The following VWA3B variants were observed in gnomAD, a reference collection of about 807,000 sequenced individuals.
VWA3B encodes the protein von Willebrand factor A domain-containing protein 3B.
Under a neutral mutation model 158.3 loss-of-function variants are expected in VWA3B, and 138 were observed. The observed-to-expected ratio is 0.87, with a 90% CI of 0.76 to 1.00. The LOEUF is 1.00. Ranked by LOEUF, VWA3B falls within the 50% of genes least tolerant of loss-of-function variation. VWA3B has a pLI of 0.00. For missense variants in VWA3B, 1,555 were observed against 1,565.1 expected (o/e 0.99, Z 0.11); for synonymous variants, 596 against 587.3 (o/e 1.01, Z -0.21).
chr2:98,160,764 T>C (rs1678508210), intron 7 of VWA3B, among the ~76,000 whole-genome samples: 1 of 152,218 alleles, frequency 6.6e-6, no homozygotes, highest in South Asian at 2.1e-4. Flanking sequence ...TGTGTTATTT[T>C]TGGATTTTCA....
At chr2:98,154,728 A>G (rs1023375413) in intron 7 of VWA3B, among the ~76,000 whole-genome samples, 2 of 152,244 alleles carry the variant, frequency 1.3e-5, no homozygotes, top group Non-Finnish European at 2.9e-5. Flanking sequence ...CACGGGGCAG[A>G]GAGAAACCCT....
intron 22 of VWA3B, among the ~76,000 whole-genome samples, chr2:98,279,137 G>T (rs1688720582): frequency 6.6e-6 from 1 of 152,198 alleles, no homozygotes. Flanking sequence ...CGTTTATCTA[G>T]GGGTTAGATG....
At chr2:98,135,326 T>C (rs1231907944) in intron 7 of VWA3B, among the ~76,000 whole-genome samples, 3 of 19,664 alleles carry the variant, frequency 1.5e-4, no homozygotes, top group Non-Finnish European at 3.0e-4. Flanking sequence ...AACATTTTTC[T>C]TTTTTTTTTT....
intron 12 of VWA3B, chr2:98,206,532 G>A (rs1167114145): frequency 4.0e-6 from 2 of 500,572 alleles, no homozygotes; most frequent in Non-Finnish European, 7.9e-6. Context: ...CTGGATTCTG[G>A]TGCACCAATC....
intron 22 of VWA3B, among the ~76,000 whole-genome samples, chr2:98,272,733 A>G (rs1688279541): frequency 6.6e-6 from 1 of 152,144 alleles, no homozygotes; most frequent in Admixed American, 6.5e-5. Context: ...AGAAATGTAT[A>G]TCTATATGCC....
At chr2:98,106,347 T>C (rs916319431) in intron 2 of VWA3B, among the ~76,000 whole-genome samples, 4 of 152,192 alleles carry the variant, frequency 2.6e-5, no homozygotes, top group African/African-American at 7.2e-5. Flanking sequence ...CAAAATTGTT[T>C]TAGCTACTCT....
At chr2:98,276,178 A>G (rs1213053277) in intron 22 of VWA3B, among the ~76,000 whole-genome samples, 1 of 152,188 alleles carries the variant, frequency 6.6e-6, no homozygotes, top group Non-Finnish European at 1.5e-5. Flanking sequence ...CACTCGTGGC[A>G]TGGCTCTCTG....
rs572030142 is a variant in VWA3B at position 98,264,544 on chromosome 2, A to G, written c.2844-6138A>G. ...TGGATTTTCCAGTTTTCCTTTTGTT[A>G]TTATTTCTAGGTTCATTTCATTTTG... On this transcript the variant is annotated intron_variant, in intron 21 of 27. Coordinates refer to ENST00000477737, the MANE Select transcript of VWA3B (RefSeq NM_144992.5). Among the ~76,000 whole-genome samples the G allele has an allele frequency of 3.9e-5, 6 of 151,950 alleles. No homozygotes were observed. The South Asian group carries it at 1.2e-3, about 32-fold the overall frequency.
chr2:98,102,303 CTCTT>C (rs1436558249), intron 2 of VWA3B, among the ~76,000 whole-genome samples: 1 of 152,196 alleles, frequency 6.6e-6, no homozygotes, highest in Non-Finnish European at 1.5e-5. Context: ...AATCTGATCT[CTCTT>C]TCTTTTCCCC....
chr2:98,225,691 C>G (rs1444230562), intron 14 of VWA3B, among the ~76,000 whole-genome samples: 1 of 148,894 alleles, frequency 6.7e-6, no homozygotes, highest in Non-Finnish European at 1.5e-5. Context: ...ACATAGAAAA[C>G]CCCAGGAGAT....
At chr2:98,168,941 A>G (rs1679343214) in intron 8 of VWA3B, among the ~76,000 whole-genome samples, 2 of 152,224 alleles carry the variant, frequency 1.3e-5, no homozygotes, top group African/African-American at 4.8e-5. Context: ...AAATGTGTTG[A>G]CAAGTTTCCA....
At chr2:98,328,721 G>A in the VWA3B span, among the ~76,000 whole-genome samples, 1 of 152,072 alleles carries the variant, frequency 6.6e-6, no homozygotes, top group Non-Finnish European at 1.5e-5. Flanking sequence ...TTCATAGATT[G>A]GGGGGAAAAG....
At chr2:98,176,130 G>T (rs1283190741) in intron 8 of VWA3B, among the ~76,000 whole-genome samples, 3 of 152,104 alleles carry the variant, frequency 2.0e-5, no homozygotes, top group African/African-American at 7.2e-5. Context: ...GGCTCACAGG[G>T]CTGAAACCTC....
At chr2:98,229,793 G>C (rs1297834517) in intron 15 of VWA3B, among the ~76,000 whole-genome samples, 1 of 152,176 alleles carries the variant, frequency 6.6e-6, no homozygotes, top group African/African-American at 2.4e-5. Flanking sequence ...TGAGTGACTT[G>C]ACTGAGGTCA....
intron 1 of VWA3B, among the ~76,000 whole-genome samples, chr2:98,090,241 T>A (rs1482738904): frequency 1.3e-5 from 2 of 152,222 alleles, no homozygotes; most frequent in African/African-American, 4.8e-5. Context: ...AAAAACAAGT[T>A]GAGGCATATT....
At position 98,290,574 on chromosome 2, in the gene VWA3B, G is replaced by A; in HGVS notation, c.3109G>A (p.Gly1037Arg). 1.3e-6 allele frequency: 2 copies of A among 1,593,554 alleles called. No homozygotes were observed. The highest frequency in any genetic ancestry group is 1.7e-6 in the Non-Finnish European group (2 of 1,174,550). Reference protein sequence around the residue: ...TKSKRPDPLKGQKVIARCDEN... With the variant: ...TKSKRPDPLKRQKVIARCDEN... The stretch of plus-strand genomic sequence containing the variant: ...ATCAAAAAGACCAGATCCCCTCAAA[G>A]GACAGAAGGTTATTGCAAGATGTGA... Residue 1037 changes from glycine to arginine, a missense_variant, in exon 23 of 28, where the codon GGA becomes AGA. Coordinates refer to ENST00000477737, the MANE Select transcript of VWA3B (RefSeq NM_144992.5).
At chr2:98,186,849 C>T (rs1681108541) in intron 9 of VWA3B, among the ~76,000 whole-genome samples, 1 of 152,112 alleles carries the variant, frequency 6.6e-6, no homozygotes, top group African/African-American at 2.4e-5. Flanking sequence ...CGTGAAAGCC[C>T]TGGGAAGAGT....
chr2:98,217,733 G>A (rs1684147471), intron 13 of VWA3B, 113 bp from the exon 14 acceptor site: 2 of 986,686 alleles, frequency 2.0e-6, no homozygotes, highest in African/African-American at 1.7e-5. Context: ...ACTCACCACT[G>A]TATACAGAAT....
intron 8 of VWA3B, among the ~76,000 whole-genome samples, chr2:98,176,897 A>T (rs910433667): frequency 2.6e-5 from 4 of 152,222 alleles, no homozygotes; most frequent in African/African-American, 9.7e-5. Context: ...ACTCTTGGAA[A>T]CATCAGACTT....
Sources: allele counts gnomAD v4.1 joint callset (sites outside exome capture counted in the v4.1 genomes callset), GRCh38; gene constraint gnomAD v4.1.1; transcripts MANE v1.5; gene names NCBI Gene and HGNC (gene_info 2026-07-23, HGNC 2026-07-21).